RGL1: variants seen among roughly 807,000 people sequenced by gnomAD.
RGL1 encodes the protein ral guanine nucleotide dissociation stimulator like 1, also known as ral guanine nucleotide dissociation stimulator-like 1.
Under a neutral mutation model 95.2 loss-of-function variants are expected in RGL1, and 24 were observed. That is an observed-to-expected ratio of 0.25 (90% CI 0.18 to 0.35). RGL1 has a LOEUF of 0.35. Ranked by LOEUF, RGL1 falls within the 10% of genes least tolerant of loss-of-function variation. RGL1 has a pLI of 1.00. For synonymous variants in RGL1, 329 were observed against 344.9 expected, an observed-to-expected ratio of 0.95 and a Z score of 0.51; for missense variants, 715 against 936.3, an observed-to-expected ratio of 0.76 and a Z score of 3.08.
intron 3 of RGL1, among the ~76,000 whole-genome samples, chr1:183,853,111 G>A (rs189563736): frequency 3.0e-4 from 46 of 152,202 alleles, no homozygotes; most frequent in African/African-American, 4.6e-4. Flanking sequence ...CGAGGTGGGC[G>A]GTTCACTTGA....
At chr1:183,897,303 G>A (rs1208362341) in intron 9 of RGL1, among the ~76,000 whole-genome samples, 1 of 152,190 alleles carries the variant, frequency 6.6e-6, no homozygotes, top group Non-Finnish European at 1.5e-5. Context: ...GGAAGCTGAG[G>A]CAGGTGGATG....
intron 2 of RGL1, among the ~76,000 whole-genome samples, chr1:183,816,768 C>G (rs1662119120): frequency 6.6e-6 from 1 of 152,048 alleles, no homozygotes; most frequent in South Asian, 2.1e-4. Context: ...TTCCTTCATT[C>G]CAGAGGCAAT....
intron 1 of RGL1, among the ~76,000 whole-genome samples, chr1:183,658,477 A>T (rs1467918275): frequency 6.6e-6 from 1 of 152,116 alleles, no homozygotes; most frequent in Admixed American, 6.5e-5. Flanking sequence ...GTCTGAGATC[A>T]AACCGCAAGG....
intron 2 of RGL1, among the ~76,000 whole-genome samples, chr1:183,843,567 A>T (rs79426994): frequency 6.6e-6 from 1 of 152,210 alleles, no homozygotes; most frequent in Admixed American, 6.5e-5. Context: ...GAATTTTGGG[A>T]CACGTCAATA....
At chr1:183,670,711 G>A (rs1652381775) in intron 1 of RGL1, among the ~76,000 whole-genome samples, 1 of 152,240 alleles carries the variant, frequency 6.6e-6, no homozygotes, top group African/African-American at 2.4e-5. Flanking sequence ...TCTAAGAAGA[G>A]TTGTTGATTT....
At chr1:183,852,912 C>A (rs1418948876) in intron 3 of RGL1, among the ~76,000 whole-genome samples, 1 of 152,142 alleles carries the variant, frequency 6.6e-6, no homozygotes, top group Non-Finnish European at 1.5e-5. Context: ...TAATTAGTGA[C>A]CTTCAGTGAG....
chr1:183,765,787 G>A (rs1558194819), intron 2 of RGL1, among the ~76,000 whole-genome samples: 1 of 152,144 alleles, frequency 6.6e-6, no homozygotes, highest in African/African-American at 2.4e-5. Flanking sequence ...AACAATTGTG[G>A]ATGATAAAAA....
intron 2 of RGL1, among the ~76,000 whole-genome samples, chr1:183,810,134 T>C (rs547841368): frequency 4.3e-4 from 65 of 152,306 alleles, no homozygotes; most frequent in African/African-American, 1.5e-3. Flanking sequence ...AAGTGTAACA[T>C]TTCAGGATGA....
In RGL1 at chr1:183,682,981, G is replaced by C. The variant is rs559766416; in HGVS notation, c.-33+46480G>C. On this transcript the variant is annotated intron_variant, in intron 1 of 18. Coordinates refer to the RGL1 transcript ENST00000304685. ...TTAAAGTCTGTTTTATCAGAGACGA[G>C]GATTGCAACCCCTTCTTTTTTTTTT... is the stretch of plus-strand genomic sequence containing the variant. 1.3e-4 allele frequency among the ~76,000 whole-genome samples: 19 copies of C among 151,352 alleles called. No homozygotes were observed. The South Asian group carries it at 4.0e-3, about 32-fold the overall frequency.
chr1:183,756,266 C>T (rs1306073376), intron 2 of RGL1, among the ~76,000 whole-genome samples: 2 of 150,912 alleles, frequency 1.3e-5, no homozygotes, highest in African/African-American at 2.4e-5. Flanking sequence ...CTCCCTGGTT[C>T]GCTTAAAGGA....
intron 1 of RGL1, among the ~76,000 whole-genome samples, chr1:183,648,966 T>C (rs1433210892): frequency 2.0e-5 from 3 of 152,246 alleles, no homozygotes; most frequent in East Asian, 1.9e-4. Flanking sequence ...TTATTCTTTA[T>C]TGAGACTCCT....
intron 3 of RGL1, among the ~76,000 whole-genome samples, chr1:183,860,109 T>C (rs1238196490): frequency 6.6e-6 from 1 of 152,174 alleles, no homozygotes; most frequent in African/African-American, 2.4e-5. Context: ...ATGCCTAAGA[T>C]GTTCTGAGGC....
intron 2 of RGL1, among the ~76,000 whole-genome samples, chr1:183,845,707 C>G (rs978332397): frequency 6.6e-6 from 1 of 152,154 alleles, no homozygotes; most frequent in African/African-American, 2.4e-5. Context: ...TGCACATTGC[C>G]GTCTGTGGAC....
At chr1:183,708,945 CCAA>C (rs1655091837) in intron 1 of RGL1, among the ~76,000 whole-genome samples, 1 of 152,186 alleles carries the variant, frequency 6.6e-6, no homozygotes, top group African/African-American at 2.4e-5. Flanking sequence ...CGAGAGCGCG[CCAA>C]TGAACACCAC....
intron 2 of RGL1, among the ~76,000 whole-genome samples, chr1:183,817,896 T>G (rs1424616186): frequency 1.3e-5 from 2 of 152,188 alleles, no homozygotes; most frequent in Non-Finnish European, 2.9e-5. Context: ...CTGTTAAGGG[T>G]ATCCTGGAGG....
chr1:183,852,289 G>A (rs1046867437), intron 3 of RGL1, among the ~76,000 whole-genome samples: 1 of 152,026 alleles, frequency 6.6e-6, no homozygotes, highest in Non-Finnish European at 1.5e-5. Context: ...TTTTGTGATT[G>A]GCCAATAGAC....
At chr1:183,752,706 T>TCTCTCTC (rs58775038) in intron 2 of RGL1, among the ~76,000 whole-genome samples, 18,389 of 109,262 alleles carry the variant, frequency 0.17, 2,733 homozygotes, top group East Asian at 0.19. Flanking sequence ...CTCTCTCTCT[T>TCTCTCTC]TCCCCTTTCC....
At chr1:183,769,446 G>A (rs1294587954) in intron 2 of RGL1, among the ~76,000 whole-genome samples, 1 of 152,198 alleles carries the variant, frequency 6.6e-6, no homozygotes, top group African/African-American at 2.4e-5. Context: ...TAATTTTAAA[G>A]CTAGATTGCT....
rs575183840 is a variant in RGL1, at chr1:183,845,321, G to C, written c.139-2245G>C. Among the ~76,000 whole-genome samples, 8 of 152,318 alleles carry C rather than the reference G, an allele frequency of 5.3e-5. No individual in the cohort carries two copies. The South Asian group carries it at 1.2e-3, about 24-fold the overall frequency. ...AAGGATGAGTTAAACTTTCAAAATT[G>C]CATCTCTGTATAATTTGTTAGGCAC... On this transcript the variant is annotated intron_variant, in intron 2 of 17. Transcript: ENST00000360851.
Sources: allele counts gnomAD v4.1 joint callset (sites outside exome capture counted in the v4.1 genomes callset), GRCh38; gene constraint gnomAD v4.1.1; transcripts MANE v1.5; gene names NCBI Gene and HGNC (gene_info 2026-07-23, HGNC 2026-07-21).